Variants in SPECC1L observed in about 807,000 individuals in gnomAD.
SPECC1L encodes cytospin-A.
SPECC1L carries 40 observed loss-of-function variants against 116.8 expected under a neutral mutation model. The ratio of observed to expected loss-of-function variants is 0.34; its 90% CI spans 0.27 to 0.45. The LOEUF (loss-of-function observed/expected upper bound fraction) is 0.45, where lower values mean the gene tolerates loss of function less well. SPECC1L is among the 20% of genes least tolerant of loss of function. The pLI, the probability that SPECC1L is intolerant of heterozygous loss-of-function variation, is 1.00. For missense variants in SPECC1L, 1,110 were observed against 1,373.6 expected, an observed-to-expected ratio of 0.81 and a Z score of 3.03; for synonymous variants, 504 against 500.6, an observed-to-expected ratio of 1.01 and a Z score of -0.09.
chr22:24,385,074 AAAG>A (rs1222070878), intron 14 of SPECC1L, among the ~76,000 whole-genome samples: 3 of 151,820 alleles, frequency 2.0e-5, no homozygotes, highest in African/African-American at 7.2e-5. Context: ...AAAAAAAAAA[AAAG>A]AAAAAAGAAT....
At chr22:24,303,525 C>T (rs1248114768) in intron 3 of SPECC1L, among the ~76,000 whole-genome samples, 2 of 152,076 alleles carry the variant, frequency 1.3e-5, no homozygotes, top group African/African-American at 2.4e-5. Flanking sequence ...CTCTCTTTGG[C>T]GTGGAGTGCC....
chr22:24,284,278 A>G (rs1601492569), intron 2 of SPECC1L, among the ~76,000 whole-genome samples: 1 of 152,206 alleles, frequency 6.6e-6, no homozygotes, highest in South Asian at 2.1e-4. Context: ...TTGATATGTT[A>G]TGTTTTCATT....
At chr22:24,307,532 T>C (rs1362795413) in intron 3 of SPECC1L, among the ~76,000 whole-genome samples, 2 of 152,138 alleles carry the variant, frequency 1.3e-5, no homozygotes, top group East Asian at 3.8e-4. Context: ...ACAGCAGTTA[T>C]TTATTTTAAT....
At chr22:24,273,545 CTT>C (rs777845509) in intron 1 of SPECC1L, among the ~76,000 whole-genome samples, 3 of 152,120 alleles carry the variant, frequency 2.0e-5, no homozygotes, top group Non-Finnish European at 4.4e-5. Flanking sequence ...CCGAGAATCT[CTT>C]GTTTTCCTGC....
At chr22:24,340,272 C>T (rs1464992469) in intron 10 of SPECC1L, among the ~76,000 whole-genome samples, 1 of 151,360 alleles carries the variant, frequency 6.6e-6, no homozygotes, top group Non-Finnish European at 1.5e-5. Flanking sequence ...CCTCAGCCTC[C>T]AAGTAGCCAG....
At chr22:24,408,687 C>G (rs555069971) in intron 14 of SPECC1L, among the ~76,000 whole-genome samples, 1 of 152,242 alleles carries the variant, frequency 6.6e-6, no homozygotes, top group South Asian at 2.1e-4. Flanking sequence ...ATCAGAGAAG[C>G]TGGAAGCAGC....
intron 12 of SPECC1L, among the ~76,000 whole-genome samples, chr22:24,364,849 A>G (rs1292854911): frequency 6.6e-6 from 1 of 152,082 alleles, no homozygotes; most frequent in Non-Finnish European, 1.5e-5. Flanking sequence ...TTTGGTTTTT[A>G]GTTATATTTG....
At chr22:24,377,110 C>A (rs1163923600) in intron 14 of SPECC1L, among the ~76,000 whole-genome samples, 2 of 152,134 alleles carry the variant, frequency 1.3e-5, no homozygotes, top group Non-Finnish European at 2.9e-5. Flanking sequence ...AATATGTGGT[C>A]CTCTGTGACT....
intron 14 of SPECC1L, among the ~76,000 whole-genome samples, chr22:24,383,705 C>G (rs543629565): frequency 6.7e-6 from 1 of 149,982 alleles, no homozygotes; most frequent in East Asian, 2.0e-4. Context: ...GGTGCGATCT[C>G]GGCTTACTGC....
At chr22:24,333,332 C>T (rs775002914) in intron 8 of SPECC1L, among the ~76,000 whole-genome samples, 6 of 152,184 alleles carry the variant, frequency 3.9e-5, no homozygotes, top group South Asian at 2.1e-4. Flanking sequence ...CCACCAAAGA[C>T]GGATTTTTCC....
At chr22:24,378,226 CCTCTGCTAG>C (rs1222433288) in intron 14 of SPECC1L, among the ~76,000 whole-genome samples, 3 of 152,210 alleles carry the variant, frequency 2.0e-5, no homozygotes, top group African/African-American at 7.2e-5. Context: ...CATGAGCCAA[CCTCTGCTAG>C]CTTCAAACTT....
chr22:24,321,115 C>T (rs993391258), intron 4 of SPECC1L, among the ~76,000 whole-genome samples, 173 bp from the exon 5 acceptor site: 2 of 152,170 alleles, frequency 1.3e-5, no homozygotes, highest in African/African-American at 4.8e-5. Context: ...GAATGATCTT[C>T]TGGTTTTGAA....
Position 24,412,697 on chromosome 22 carries a change from A to G in SPECC1L, c.3254A>G (p.Lys1085Arg), listed in dbSNP as rs768657935. ...AFQAAESVGI[K>R]STLDINEMVR... ...CAGGCAGCTGAAAGTGTCGGCATCA[A>G]ATCCACACTGGTGAGCCCTTGTCCC... The change falls in exon 16 of 17, where the codon AAA becomes AGA. Residue 1085 changes from lysine to arginine, a missense_variant. Transcript: ENST00000314328. The G allele has an allele frequency of 2.5e-6, 4 of 1,614,146 alleles. No homozygotes were observed. The highest frequency in any genetic ancestry group is 2.2e-5 in the East Asian group (1 of 44,890).
Position 24,322,661 on chromosome 22 carries a change from A to T in SPECC1L, c.1681A>T (p.Thr561Ser), listed in dbSNP as rs2040744414. 1.2e-6 allele frequency: 2 copies of T among 1,612,850 alleles called. No homozygotes were observed. The highest frequency in any genetic ancestry group is 8.5e-7 in the Non-Finnish European group (1 of 1,179,490). The change falls in exon 5 of 17, where the codon ACG becomes TCG. Residue 561 changes from threonine (T) to serine (S), a missense_variant. Transcript: ENST00000314328. Reference protein sequence around the residue: ...EQKGKAALAATLEEYKATVAS... With the variant: ...EQKGKAALAASLEEYKATVAS... ...GAAAGGAAAAGCAGCCTTGGCAGCC[A>T]CGTTAGAGGAATACAAAGCCACAGT...
chr22:24,406,785 C>T (rs767422888), intron 14 of SPECC1L, among the ~76,000 whole-genome samples: 2 of 152,224 alleles, frequency 1.3e-5, no homozygotes, highest in Non-Finnish European at 2.9e-5. Flanking sequence ...GGGAGCTCCC[C>T]GCCTTCCTGC....
chr22:24,330,731 A>T (rs756754653), intron 8 of SPECC1L, among the ~76,000 whole-genome samples: 6 of 152,088 alleles, frequency 3.9e-5, no homozygotes, highest in Non-Finnish European at 8.8e-5. Flanking sequence ...TTTTCTTTAG[A>T]TTGTAGCCTC....
chr22:24,340,554 A>T (rs1371230325), intron 10 of SPECC1L, among the ~76,000 whole-genome samples: 4 of 152,246 alleles, frequency 2.6e-5, no homozygotes, highest in Non-Finnish European at 1.5e-5. Flanking sequence ...ACTTCAAATA[A>T]GATGAACTTT....
intron 12 of SPECC1L, among the ~76,000 whole-genome samples, chr22:24,363,943 G>T (rs1011009396): frequency 6.6e-6 from 1 of 150,898 alleles, no homozygotes; most frequent in Non-Finnish European, 1.5e-5. Context: ...GGGTGGGAGT[G>T]GGGGCAGCAG....
intron 13 of SPECC1L, among the ~76,000 whole-genome samples, chr22:24,368,185 A>T (rs749400320): frequency 6.6e-6 from 1 of 152,218 alleles, no homozygotes; most frequent in African/African-American, 2.4e-5. Flanking sequence ...AAAATGAATC[A>T]TATGTATAGC....
Sources: gnomAD v4.1 joint callset for allele counts (sites outside exome capture counted in the v4.1 genomes callset) on GRCh38, gnomAD v4.1.1 for gene constraint, MANE v1.5 for transcripts, NCBI Gene and HGNC (gene_info 2026-07-23, HGNC 2026-07-21) for gene names.